Variants in MROH2A observed in about 807,000 individuals in gnomAD.
MROH2A encodes the protein maestro heat-like repeat-containing protein family member 2A.
A neutral mutation model predicts 200.4 loss-of-function variants in MROH2A; 174 were observed. That is an observed-to-expected ratio of 0.87 (90% CI 0.77 to 0.98). The LOEUF (loss-of-function observed/expected upper bound fraction) is 0.98, where lower values mean the gene tolerates loss of function less well. MROH2A is among the 50% of genes least tolerant of loss of function. MROH2A has a pLI of 0.00. For synonymous variants in MROH2A, 829 were observed against 840.4 expected (o/e 0.99, Z 0.23); for missense variants, 2,045 against 2,139.6 (o/e 0.96, Z 0.87).
At chr2:233,802,126 T>C in intron 14 of MROH2A, 42 bp from the exon 15 acceptor site, 1 of 1,522,478 alleles carries the variant, frequency 6.6e-7, no homozygotes, top group South Asian at 1.2e-5. Flanking sequence ...GCCCAGGGCT[T>C]GGGCTAATTC....
chr2:233,792,847 T>G lies in MROH2A; in HGVS notation c.623T>G (p.Met208Arg), dbSNP rs1241238812. Reference sequence around the variant, plus strand: ...ATCACCCTGGCTACCATATTCACCATGCTGAGACTTGCCAATGAAGCCAAG... The same window carrying G: ...ATCACCCTGGCTACCATATTCACCAGGCTGAGACTTGCCAATGAAGCCAAG... ...MGITLATIFT[M>R]LRLANEAKIR... The change falls in exon 6 of 42, where the codon ATG (methionine) becomes AGG (arginine). Residue 208 changes from methionine (M) to arginine (R), a missense_variant. Met to Arg is a moderately conservative substitution (Grantham distance 91). Transcript: ENST00000389758. 3.2e-6 allele frequency: 5 copies of G among 1,550,454 alleles called. No individual in the cohort carries two copies. The highest frequency in any genetic ancestry group is 3.5e-6 in the Non-Finnish European group (4 of 1,146,986).
At chr2:233,779,586 C>A in intron 2 of MROH2A, 85 bp from the exon 3 acceptor site, 1 of 1,450,524 alleles carries the variant, frequency 6.9e-7, no homozygotes, top group Non-Finnish European at 9.4e-7. Flanking sequence ...TGGAGCTGCG[C>A]AGGTGGAGGC....
chr2:233,802,612 A>G (rs1702543224), intron 15 of MROH2A: 3 of 311,138 alleles, frequency 9.6e-6, no homozygotes, highest in Non-Finnish European at 1.8e-5. Flanking sequence ...AGCCTTTCCC[A>G]TGCATGACCT....
In MROH2A at chr2:233,800,635, G is replaced by A. The variant is rs200158911; in HGVS notation, c.1560+320G>A. ...TTAAGGCCCGTGTGTGTGTGTATGT[G>A]TGTGTGTGTGTGTGTGTGTGTGTCT... On this transcript the variant is annotated intron_variant, in intron 14 of 41. Coordinates refer to ENST00000389758, the MANE Select transcript of MROH2A (RefSeq NM_001394639.1). 2.5e-5 allele frequency among the ~76,000 whole-genome samples: 3 copies of A among 119,238 alleles called. No homozygotes were observed. The East Asian group carries it at 1.1e-3, about 43-fold the overall frequency. 78.2% of individuals were successfully genotyped at this position (119,238 alleles called of 152,430 possible).
chr2:233,829,831 A>C (rs1434464486), intron 38 of MROH2A, 56 bp downstream of exon 38: 8 of 1,275,166 alleles, frequency 6.3e-6, no homozygotes, highest in Non-Finnish European at 8.0e-6. Flanking sequence ...TCCCCGAGGA[A>C]ACAGGTCCTT....
intron 16 of MROH2A, 68 bp from the exon 17 acceptor site, chr2:233,803,983 A>G: frequency 6.6e-7 from 1 of 1,524,408 alleles, no homozygotes; most frequent in Non-Finnish European, 8.8e-7. Flanking sequence ...AAAAATGAGG[A>G]CAAAGAGCTC....
Position 233,833,169 on chromosome 2 carries a change from C to T in MROH2A, c.4935C>T (p.Pro1645=), listed in dbSNP as rs923245469. 104 of 1,549,420 alleles carry T rather than the reference C, an allele frequency of 6.7e-5. No individual in the cohort carries two copies. Among genetic ancestry groups the T allele is most frequent in the African/African-American group, 9.6e-5 (7 of 72,920 alleles). ...SLQELQLDPD[P]GVRRAALETL... is the part of the protein sequence containing the mutation. ...AGGAACTACAGCTGGACCCGGATCC[C>T]GGGGTCAGGAGGGCAGCCCTGGAGA... Residue 1645 remains proline (P), a synonymous_variant, in exon 42 of 42, where the codon CCC becomes CCT. Transcript: ENST00000389758.
intron 3 of MROH2A, 66 bp downstream of exon 3, chr2:233,779,918 C>G: frequency 7.8e-7 from 1 of 1,278,842 alleles, no homozygotes; most frequent in South Asian, 1.4e-5. Context: ...CACCACCCAG[C>G]ACATAGTTAC....
chr2:233,800,183 A>G (rs1702369460), intron 13 of MROH2A, 22 bp from the exon 14 acceptor site: 1 of 1,509,646 alleles, frequency 6.6e-7, no homozygotes, highest in Non-Finnish European at 9.0e-7. Context: ...ACAGGTGGGA[A>G]TCCCTTGGTT....
rs1703984464 is a variant in MROH2A, at chr2:233,822,159, A to C, written c.3548A>C (p.Asn1183Thr). 1 of 1,550,004 alleles carries C rather than the reference A, an allele frequency of 6.5e-7. No individual in the cohort carries two copies. The highest frequency in any genetic ancestry group is 8.7e-7 in the Non-Finnish European group (1 of 1,146,968). ...GAGGTGTGGCTGGCAGTGTCGGAGAACGTGCCCTTCGCCCGGACCATGCTC... is the reference window on the plus strand; with the variant it reads ...GAGGTGTGGCTGGCAGTGTCGGAGACCGTGCCCTTCGCCCGGACCATGCTC... ...LAEVWLAVSE[N>T]VPFARTMLHS... Residue 1183 changes from asparagine to threonine, a missense_variant, in exon 32 of 42, where the codon AAC becomes ACC. Asn to Thr is a moderately conservative substitution (Grantham distance 65). This residue lies in a region of MROH2A where 1,201 missense variants were observed against 1,311.3 expected (regional missense o/e 0.92). Transcript: ENST00000389758.
intron 13 of MROH2A, 145 bp downstream of exon 13, chr2:233,800,044 C>T (rs1037359279): frequency 3.3e-6 from 4 of 1,220,192 alleles, no homozygotes; most frequent in Non-Finnish European, 4.6e-6. Context: ...AGTGAACCTG[C>T]AGGTGACAAT....
intron 19 of MROH2A, among the ~76,000 whole-genome samples, chr2:233,806,749 TGTA>T (rs1702816734): frequency 6.6e-6 from 1 of 152,212 alleles, no homozygotes; most frequent in Admixed American, 6.5e-5. Flanking sequence ...CCTGCCCTTA[TGTA>T]GTCTGACCTC....
chr2:233,780,348 G>A (rs1306739281), intron 3 of MROH2A, among the ~76,000 whole-genome samples: 1 of 152,140 alleles, frequency 6.6e-6, no homozygotes, highest in Non-Finnish European at 1.5e-5. Context: ...AAACCTTGCT[G>A]GGCACCACCC....
Position 233,814,608 on chromosome 2 carries a change from C to T in MROH2A, c.2787C>T (p.Ser929=). The change falls in exon 26 of 42, where the codon TCC becomes TCT. Residue 929 remains serine, a synonymous_variant. Coordinates refer to ENST00000389758, the MANE Select transcript of MROH2A (RefSeq NM_001394639.1). ...CCCTGTATGCAAATGCCCTGAGCTCCCTGGAGCAGCTGATGGAGAGCCTCC... is the reference window on the plus strand; with the variant it reads ...CCCTGTATGCAAATGCCCTGAGCTCTCTGGAGCAGCTGATGGAGAGCCTCC... ...IKTLYANALS[S]LEQLMESLLQ... is the part of the protein sequence containing the mutation. 6.4e-7 allele frequency: 1 copy of T among 1,550,428 alleles called. No homozygotes were observed. Among genetic ancestry groups the T allele is most frequent in the Non-Finnish European group, 8.7e-7 (1 of 1,146,912 alleles).
chr2:233,787,406 AACACAC>A (rs149271880), intron 3 of MROH2A, among the ~76,000 whole-genome samples: 6 of 127,272 alleles, frequency 4.7e-5, no homozygotes, highest in Admixed American at 8.9e-5. Context: ...GGATATGTAT[AACACAC>A]ACACACACAC....
In MROH2A at chr2:233,833,372, T is replaced by A; in HGVS notation, c.*113T>A. 1 of 1,172,098 alleles carries A rather than the reference T, an allele frequency of 8.5e-7. No homozygotes were observed. The highest frequency in any genetic ancestry group is 1.2e-6 in the Non-Finnish European group (1 of 867,684). The allele number at this position is 1,172,098 out of a possible 1,614,324, so 72.6% of individuals were successfully genotyped here. On this transcript the variant is annotated 3_prime_UTR_variant, in exon 42 of 42. Transcript: ENST00000389758. ...AAAAACACTATTGTAAAATAACTAG[T>A]ATCCTTTTGTTTCCTTCCGTTGAAA... is the stretch of plus-strand genomic sequence containing the variant.
At chr2:233,809,082 G>T in intron 21 of MROH2A, 44 bp from the exon 22 acceptor site, 1 of 1,525,442 alleles carries the variant, frequency 6.6e-7, no homozygotes, top group Non-Finnish European at 8.9e-7. Context: ...ATCTGGAGCA[G>T]CCCCTGCTGC....
intron 3 of MROH2A, 59 bp from the exon 4 acceptor site, chr2:233,789,438 G>A (rs760605747): frequency 7.5e-7 from 1 of 1,325,336 alleles, no homozygotes; most frequent in African/African-American, 1.5e-5. Context: ...GGGAGAGAGA[G>A]GTGGACTTGT....
intron 38 of MROH2A, among the ~76,000 whole-genome samples, chr2:233,830,984 T>G (rs2124930702): frequency 6.6e-6 from 1 of 152,178 alleles, no homozygotes; most frequent in South Asian, 2.1e-4. Flanking sequence ...CAGAAGCATT[T>G]TGTCTTCCTG....
Sources: gnomAD v4.1 joint callset for allele counts (sites outside exome capture counted in the v4.1 genomes callset) on GRCh38, gnomAD v4.1.1 for gene constraint, gnomAD v4.1.1 regional missense constraint, MANE v1.5 for transcripts, NCBI Gene and HGNC (gene_info 2026-07-23, HGNC 2026-07-21) for gene names.